STK3: variants seen among roughly 807,000 people sequenced by gnomAD.
STK3 encodes serine/threonine kinase 3.
Under a neutral mutation model 58.0 loss-of-function variants are expected in STK3, and 41 were observed. The ratio of observed to expected loss-of-function variants is 0.71; its 90% confidence interval spans 0.55 to 0.92. The LOEUF (loss-of-function observed/expected upper bound fraction) is 0.92. Among genes scored for constraint, STK3 ranks in the 40% least tolerant of loss-of-function variants. The pLI is 0.00. For missense variants in STK3, 479 were observed against 602.7 expected (o/e 0.79, Z 2.15); for synonymous variants, 170 against 191.0 (o/e 0.89, Z 0.91).
chr8:98,886,387 C>T (rs1837992222), intron 1 of STK3, among the ~76,000 whole-genome samples: 1 of 152,126 alleles, frequency 6.6e-6, no homozygotes, highest in Non-Finnish European at 1.5e-5. Context: ...ATCTGAAATG[C>T]TCAAAATCTG....
At chr8:98,807,692 A>C (rs1296277624) in intron 1 of STK3, among the ~76,000 whole-genome samples, 2 of 152,228 alleles carry the variant, frequency 1.3e-5, no homozygotes, top group Non-Finnish European at 2.9e-5. Flanking sequence ...CAAGGAAATA[A>C]CTATGCAAAA....
intron 3 of STK3, among the ~76,000 whole-genome samples, chr8:98,841,273 T>TGGGA (rs952687584): frequency 3.3e-5 from 5 of 152,194 alleles, no homozygotes; most frequent in African/African-American, 1.2e-4. Flanking sequence ...AGATAACTTT[T>TGGGA]GGGAGGGAGG....
chr8:98,835,194 AT>A (rs1231320934), intron 3 of STK3, among the ~76,000 whole-genome samples: 1 of 152,030 alleles, frequency 6.6e-6, no homozygotes, highest in African/African-American at 2.4e-5. Flanking sequence ...ACTCTGAGCT[AT>A]TTTTCTTTTC....
intron 3 of STK3, among the ~76,000 whole-genome samples, chr8:98,396,369 T>C (rs1817897269): frequency 1.3e-5 from 2 of 152,226 alleles, no homozygotes; most frequent in African/African-American, 4.8e-5. Flanking sequence ...CAGATGCTTA[T>C]TGTGTCTACT....
chr8:98,403,091 C>A (rs1022426902), intron 3 of STK3, among the ~76,000 whole-genome samples: 1 of 152,248 alleles, frequency 6.6e-6, no homozygotes, highest in Non-Finnish European at 1.5e-5. Context: ...AGGCCAAGGG[C>A]AGTGGACTCC....
At chr8:98,782,111 G>T in intron 1 of STK3, 1 of 233,886 alleles carries the variant, frequency 4.3e-6, no homozygotes, top group South Asian at 7.3e-5. Flanking sequence ...AGATCTGGCT[G>T]GACACCAATG....
At chr8:98,807,382 G>A (rs566749871) in intron 1 of STK3, among the ~76,000 whole-genome samples, 3 of 151,826 alleles carry the variant, frequency 2.0e-5, no homozygotes, top group Admixed American at 6.6e-5. Context: ...CCAGCCTCCC[G>A]AGGAGCTGGG....
chr8:98,474,266 C>T (rs1328152045), intron 10 of STK3, among the ~76,000 whole-genome samples: 1 of 152,176 alleles, frequency 6.6e-6, no homozygotes, highest in African/African-American at 2.4e-5. Context: ...TTGCTCCCCT[C>T]CAATTCACTC....
intron 1 of STK3, among the ~76,000 whole-genome samples, chr8:98,821,953 C>A (rs915466457): frequency 1.3e-5 from 2 of 152,156 alleles, no homozygotes; most frequent in African/African-American, 4.8e-5. Context: ...CCCAAAGAAG[C>A]AAATTTCAAA....
At chr8:98,788,008 C>T (rs898641681) in intron 1 of STK3, among the ~76,000 whole-genome samples, 1 of 152,030 alleles carries the variant, frequency 6.6e-6, no homozygotes, top group Non-Finnish European at 1.5e-5. Flanking sequence ...ACAGGACCTA[C>T]AAAACAAAAA....
At chr8:98,930,062 G>C (rs1839951080) in intron 1 of STK3, among the ~76,000 whole-genome samples, 1 of 151,852 alleles carries the variant, frequency 6.6e-6, no homozygotes, top group African/African-American at 2.4e-5. Context: ...GAGGTGTCCT[G>C]AACAACATGT....
chr8:98,758,961 C>A lies in STK3; in HGVS notation c.236+8282G>T, dbSNP rs552690482. ...AATTGAAGACAGTAAGGGCATTGCT[C>A]GAGATTAGGCTTTGGCTTAAGAGAA... On this transcript the variant is annotated intron_variant, in intron 3 of 10. Coordinates refer to ENST00000419617, the MANE Select transcript of STK3 (RefSeq NM_006281.4). Among the ~76,000 whole-genome samples the A allele has an allele frequency of 6.6e-5, 10 of 152,306 alleles. No individual in the cohort carries two copies. The South Asian group carries it at 1.9e-3, about 28-fold the overall frequency.
chr8:98,609,688 A>G (rs1377892866), intron 6 of STK3, among the ~76,000 whole-genome samples: 2 of 152,180 alleles, frequency 1.3e-5, no homozygotes, highest in Non-Finnish European at 2.9e-5. Flanking sequence ...GTGGCCAGGC[A>G]TGGTGGTTCC....
chr8:98,897,919 C>G (rs4735583), intron 1 of STK3, among the ~76,000 whole-genome samples: 10,952 of 152,328 alleles, frequency 0.072, 589 homozygotes, highest in African/African-American at 0.15. Context: ...CAGCCCCTTA[C>G]AGCTTGAATA....
chr8:98,443,622 C>A (rs138813190), intron 1 of STK3, among the ~76,000 whole-genome samples: 1 of 151,944 alleles, frequency 6.6e-6, no homozygotes, highest in Non-Finnish European at 1.5e-5. Context: ...CCAAGATGGG[C>A]GGATCAGTTG....
chr8:98,413,780 T>A, intron 3 of STK3: 1 of 649,108 alleles, frequency 1.5e-6, no homozygotes, highest in South Asian at 1.5e-5. Flanking sequence ...CCCATCGTCA[T>A]CCATCTTCTC....
At chr8:98,864,656 A>C (rs1837065645) in intron 3 of STK3, among the ~76,000 whole-genome samples, 1 of 152,216 alleles carries the variant, frequency 6.6e-6, no homozygotes, top group African/African-American at 2.4e-5. Flanking sequence ...AGAAATGTAC[A>C]TCACAGGCAA....
intron 10 of STK3, among the ~76,000 whole-genome samples, chr8:98,499,812 T>TCCC (rs1353295189): frequency 1.3e-5 from 2 of 152,176 alleles, no homozygotes; most frequent in Non-Finnish European, 2.9e-5. Flanking sequence ...TTTAGATGAT[T>TCCC]TGGATGAGAT....
At chr8:98,717,409 C>T (rs1034112884) in intron 4 of STK3, among the ~76,000 whole-genome samples, 22 of 151,960 alleles carry the variant, frequency 1.4e-4, no homozygotes, top group Admixed American at 9.8e-4. Context: ...CCAAGAGGCA[C>T]GTGGAAAGAT....
Sources: allele counts gnomAD v4.1 joint callset (sites outside exome capture counted in the v4.1 genomes callset), GRCh38; gene constraint gnomAD v4.1.1; transcripts MANE v1.5; gene names NCBI Gene and HGNC (gene_info 2026-07-23, HGNC 2026-07-21).